PCDHGB7: variants seen among roughly 807,000 people sequenced by gnomAD.
The protein encoded by PCDHGB7 is protocadherin gamma subfamily B, 7.
In PCDHGB7, 37 loss-of-function variants were observed where a neutral mutation model predicts 61.4. The observed-to-expected ratio is 0.60, with a 90% CI of 0.46 to 0.79. The LOEUF is 0.79. Among genes scored for constraint, PCDHGB7 ranks in the 30% least tolerant of loss-of-function variants. The probability of loss-of-function intolerance (pLI) is 0.00; values close to 1 mark genes in which losing one functional copy is unlikely to be tolerated. For synonymous variants in PCDHGB7, 464 were observed against 503.5 expected (o/e 0.92, Z 1.05); for missense variants, 1,166 against 1,202.5 (o/e 0.97, Z 0.45).
chr5:141,502,003 G>A (rs945565369), intron 2 of PCDHGB7, among the ~76,000 whole-genome samples: 17 of 151,966 alleles, frequency 1.1e-4, no homozygotes, highest in Admixed American at 1.1e-3. Flanking sequence ...CTGACAACCC[G>A]CATGCTCTCC....
rs2099623857 is a variant in PCDHGB7, at chr5:141,486,060, A to ACC, written c.2416-8744_2416-8743dup. On this transcript the variant is annotated intron_variant, in intron 1 of 3. Transcript: ENST00000398594. This position sits in a 1 kb window ranked among gnomAD's most constrained non-coding sequence, Gnocchi z 5.0. Reference sequence around the variant, plus strand: ...CGTGTAAGAAACCTCTTTAGCCTGCACCCCACTACTGGAAAGCTTACTCTT... The same window carrying ACC: ...CGTGTAAGAAACCTCTTTAGCCTGCACCCCCCACTACTGGAAAGCTTACTCTT... The ACC allele has an allele frequency of 1.2e-6, 2 of 1,613,980 alleles. No homozygotes were observed. The highest frequency in any genetic ancestry group is 1.7e-6 in the Non-Finnish European group (2 of 1,179,980).
At chr5:141,441,871 G>A (rs1020432020) in intron 1 of PCDHGB7, 3 of 340,480 alleles carry the variant, frequency 8.8e-6, no homozygotes, top group Admixed American at 8.1e-5. Context: ...CGCGGAGCCT[G>A]GCTACCTGGT....
At chr5:141,497,745 G>C (rs1475395529) in intron 2 of PCDHGB7, among the ~76,000 whole-genome samples, 1 of 152,070 alleles carries the variant, frequency 6.6e-6, no homozygotes, top group Non-Finnish European at 1.5e-5. Flanking sequence ...CGCCACGTTG[G>C]CCAGGCTGGT....
At chr5:141,450,008 T>C (rs78952430) in intron 1 of PCDHGB7, among the ~76,000 whole-genome samples, 2 of 37,390 alleles carry the variant, frequency 5.3e-5, no homozygotes, top group African/African-American at 6.8e-4. Flanking sequence ...CCATGTCTCT[T>C]TTTTTTTTTT....
intron 1 of PCDHGB7, among the ~76,000 whole-genome samples, chr5:141,435,715 A>T (rs528951395): frequency 5.9e-5 from 9 of 152,210 alleles, no homozygotes; most frequent in Non-Finnish European, 1.0e-4. Context: ...ACAGACACTG[A>T]ATGCTAAAGT....
intron 2 of PCDHGB7, among the ~76,000 whole-genome samples, chr5:141,500,453 C>T (rs1403599390): frequency 6.6e-6 from 1 of 152,130 alleles, no homozygotes; most frequent in South Asian, 2.1e-4. Context: ...TCGTGATCCG[C>T]CCGCCTCGGC....
At position 141,489,924 on chromosome 5, in the gene PCDHGB7, C is replaced by G. The variant is rs755286650; in HGVS notation, c.2416-4883C>G. ...CAGCCCGCTCAGGGACCACCCTTAT[C>G]TCTGTCATCGTGCTGGACATCAATG... is the stretch of plus-strand genomic sequence containing the variant. On this transcript the variant is annotated intron_variant, in intron 1 of 3. Transcript: ENST00000398594. This position sits in a 1 kb window ranked among gnomAD's most constrained non-coding sequence, Gnocchi z 4.5. 22 of 1,614,226 alleles carry G rather than the reference C, an allele frequency of 1.4e-5. No homozygotes were observed. The highest frequency in any genetic ancestry group is 1.9e-5 in the Non-Finnish European group (22 of 1,180,030).
chr5:141,490,120 G>A lies in PCDHGB7; in HGVS notation c.2416-4687G>A. On this transcript the variant is annotated intron_variant, in intron 1 of 3. Coordinates refer to ENST00000398594, the MANE Select transcript of PCDHGB7 (RefSeq NM_018927.4). This position sits in a 1 kb window ranked among gnomAD's most constrained non-coding sequence, Gnocchi z 5.4. ...ATCTGAGGCAGTGCGGAACCTCTTT[G>A]GCCTAGACCCTAGCAGTGGGGCAAT... 6.2e-7 allele frequency: 1 copy of A among 1,614,224 alleles called. No homozygotes were observed. Among genetic ancestry groups the A allele is most frequent in the East Asian group, 2.2e-5 (1 of 44,888 alleles).
rs200757040 is a variant in PCDHGB7, at chr5:141,431,080, C to T, written c.2415+10806C>T. 3 of 1,614,044 alleles carry T rather than the reference C, an allele frequency of 1.9e-6. No homozygotes were observed. The highest frequency in any genetic ancestry group is 2.5e-6 in the Non-Finnish European group (3 of 1,180,010). ...CCATCAAGTGTCAATTAAATCTAGA[C>T]ATTCTGATGGAGGATAAAGTGAAAA... On this transcript the variant is annotated intron_variant, in intron 1 of 3. Coordinates refer to ENST00000398594, the MANE Select transcript of PCDHGB7 (RefSeq NM_018927.4). This position sits in a 1 kb window ranked among gnomAD's most constrained non-coding sequence, Gnocchi z 4.8.
chr5:141,422,074 C>T (rs886758924), intron 1 of PCDHGB7: 8 of 1,612,146 alleles, frequency 5.0e-6, no homozygotes, highest in African/African-American at 4.0e-5. Context: ...GTATTCATTT[C>T]GGAACATGGA....
Position 141,428,007 on chromosome 5 carries a change from A to T in PCDHGB7, c.2415+7733A>T, listed in dbSNP as rs770851074. 9.4e-6 allele frequency: 15 copies of T among 1,602,018 alleles called. No individual in the cohort carries two copies. In the African/African-American group the frequency reaches 1.5e-4, roughly 16 times the overall value. ...GCCCGATGGCTCCGCACTCTTCGAT[A>T]TAGTGCCACGCGCCGCAGAGTCCGG... On this transcript the variant is annotated intron_variant, in intron 1 of 3. Coordinates refer to ENST00000398594, the MANE Select transcript of PCDHGB7 (RefSeq NM_018927.4).
chr5:141,419,658 A>T lies in PCDHGB7; in HGVS notation c.1799A>T (p.His600Leu). 2 of 1,612,782 alleles carry T rather than the reference A, an allele frequency of 1.2e-6. No homozygotes were observed. Among genetic ancestry groups the T allele is most frequent in the Non-Finnish European group, 1.7e-6 (2 of 1,179,776 alleles). ...GTGGCCGTGGACGCGGACTCGGGGC[A>T]CAATGCCTGGCTGTCCTACCACGTG... ...KVVAVDADSG[H>L]NAWLSYHVVQ... is the part of the protein sequence containing the mutation. The change falls in exon 1 of 4, where the codon CAC becomes CTC. Residue 600 changes from histidine to leucine, a missense_variant. Physicochemically the swap from His to Leu is moderately conservative, Grantham distance 99 (BLOSUM62 -3). Coordinates refer to ENST00000398594, the MANE Select transcript of PCDHGB7 (RefSeq NM_018927.4).
At chr5:141,473,033 G>GGAAA (rs1282468299) in intron 1 of PCDHGB7, among the ~76,000 whole-genome samples, 1 of 146,284 alleles carries the variant, frequency 6.8e-6, no homozygotes, top group African/African-American at 2.5e-5. Flanking sequence ...AAGGAAGGAA[G>GGAAA]GAAAGAAAGA....
chr5:141,484,374 T>C (rs1261372490), intron 1 of PCDHGB7, among the ~76,000 whole-genome samples: 1 of 152,186 alleles, frequency 6.6e-6, no homozygotes, highest in Non-Finnish European at 1.5e-5. Context: ...CACTAGCAAA[T>C]GTCTGAATAA....
At chr5:141,461,170 G>T (rs1347666737) in intron 1 of PCDHGB7, among the ~76,000 whole-genome samples, 1 of 152,052 alleles carries the variant, frequency 6.6e-6, no homozygotes. Context: ...GGGATTGCTG[G>T]ATTGAATGGT....
In PCDHGB7 at chr5:141,489,873, G is replaced by A. The variant is rs1252665956; in HGVS notation, c.2416-4934G>A. The A allele has an allele frequency of 4.3e-6, 7 of 1,614,224 alleles. No homozygotes were observed. The highest frequency in any genetic ancestry group is 5.9e-6 in the Non-Finnish European group (7 of 1,180,030). On this transcript the variant is annotated intron_variant, in intron 1 of 3. Coordinates refer to ENST00000398594, the MANE Select transcript of PCDHGB7 (RefSeq NM_018927.4). The surrounding 1 kb of genome is among the most constrained non-coding windows in gnomAD (Gnocchi z 4.5). Reference sequence around the variant, plus strand: ...AAGCCCAGGCAAGACATCAGCTGGTGCTTACTGCTGTGGATGGGGGGACCC... The same window carrying A: ...AAGCCCAGGCAAGACATCAGCTGGTACTTACTGCTGTGGATGGGGGGACCC...
rs2233600 is a variant in PCDHGB7, at chr5:141,489,134, A to C, written c.2416-5673A>C. 9,827 of 731,232 alleles carry C rather than the reference A, an allele frequency of 0.013. 1,099 individuals are homozygous for C. The East Asian group carries it at 0.25, about 19-fold the overall frequency. The allele number at this position is 731,232 out of a possible 1,614,324, so 45.3% of individuals were successfully genotyped here. A position where few individuals can be genotyped will look rare whatever the true frequency, so the allele number is the denominator to read the frequency against. Reference sequence around the variant, plus strand: ...GGCAAACCTCCGAGCAGTTTTTAAGAGGCTGGAAGGAGACATAAGAGACTT... The same window carrying C: ...GGCAAACCTCCGAGCAGTTTTTAAGCGGCTGGAAGGAGACATAAGAGACTT... On this transcript the variant is annotated intron_variant, in intron 1 of 3. Transcript: ENST00000398594. The surrounding 1 kb of genome is among the most constrained non-coding windows in gnomAD (Gnocchi z 4.5).
intron 1 of PCDHGB7, among the ~76,000 whole-genome samples, chr5:141,443,679 A>G (rs1158105871): frequency 6.6e-6 from 1 of 152,268 alleles, no homozygotes; most frequent in African/African-American, 2.4e-5. Flanking sequence ...AGTAGTTTAC[A>G]AACACTTCAA....
At chr5:141,474,607 A>C (rs1334447439) in intron 1 of PCDHGB7, among the ~76,000 whole-genome samples, 1 of 152,238 alleles carries the variant, frequency 6.6e-6, no homozygotes, top group Non-Finnish European at 1.5e-5. Context: ...TAGGTCACAT[A>C]TGGCTTTTCA....
Sources: allele counts gnomAD v4.1 joint callset (sites outside exome capture counted in the v4.1 genomes callset), GRCh38; gene constraint gnomAD v4.1.1; non-coding constraint Gnocchi (gnomAD v3.1); transcripts MANE v1.5; gene names NCBI Gene and HGNC (gene_info 2026-07-23, HGNC 2026-07-21).